DIS3L2: variants seen among roughly 807,000 people sequenced by gnomAD.
DIS3L2 encodes the protein DIS3 like 3'-5' exoribonuclease 2.
A neutral mutation model predicts 97.5 loss-of-function variants in DIS3L2; 34 were observed. The observed-to-expected ratio is 0.35, with a 90% CI of 0.27 to 0.46. The LOEUF (loss-of-function observed/expected upper bound fraction) is 0.46. DIS3L2 is among the 20% of genes least tolerant of loss of function. DIS3L2 has a pLI of 1.00. For synonymous variants in DIS3L2, 435 were observed against 445.2 expected (o/e 0.98, Z 0.29); for missense variants, 1,038 against 1,146.0 (o/e 0.91, Z 1.36).
intron 1 of DIS3L2, among the ~76,000 whole-genome samples, chr2:231,988,035 G>A (rs763324839): frequency 6.6e-6 from 1 of 152,096 alleles, no homozygotes. Flanking sequence ...TAGAGACAGG[G>A]TTTGTCCATT....
intron 1 of DIS3L2, among the ~76,000 whole-genome samples, chr2:231,977,708 A>G (rs189636691): frequency 7.2e-5 from 11 of 152,360 alleles, no homozygotes; most frequent in East Asian, 3.8e-4. Flanking sequence ...CAAATACTCA[A>G]TTGGACTCAG....
intron 12 of DIS3L2, among the ~76,000 whole-genome samples, chr2:232,256,592 C>T (rs1693569409): frequency 6.6e-6 from 1 of 152,182 alleles, no homozygotes; most frequent in African/African-American, 2.4e-5. Flanking sequence ...CCAACCTCAA[C>T]CTTGCTTTCC....
intron 1 of DIS3L2, among the ~76,000 whole-genome samples, chr2:232,007,061 A>G (rs532554247): frequency 1.3e-5 from 2 of 152,300 alleles, no homozygotes; most frequent in Non-Finnish European, 2.9e-5. Context: ...AATGAGAGAA[A>G]TGGAATGATA....
At chr2:231,968,321 C>T (rs1474640588) in intron 1 of DIS3L2, among the ~76,000 whole-genome samples, 1 of 152,196 alleles carries the variant, frequency 6.6e-6, no homozygotes, top group African/African-American at 2.4e-5. Context: ...TGGTCTTGAT[C>T]TCCTGACCTC....
chr2:232,094,569 T>G (rs147340274), intron 6 of DIS3L2, among the ~76,000 whole-genome samples: 2 of 151,474 alleles, frequency 1.3e-5, no homozygotes, highest in African/African-American at 4.8e-5. Flanking sequence ...AATAGAAAAA[T>G]TAGCCAGTCA....
chr2:231,984,542 A>T (rs1574786215), intron 1 of DIS3L2, among the ~76,000 whole-genome samples: 1 of 149,130 alleles, frequency 6.7e-6, no homozygotes, highest in African/African-American at 2.5e-5. Context: ...GCCTGCTACC[A>T]CGCCCGGCTA....
intron 5 of DIS3L2, among the ~76,000 whole-genome samples, chr2:232,054,843 A>G (rs1384279753): frequency 3.9e-5 from 6 of 152,242 alleles, no homozygotes; most frequent in African/African-American, 1.4e-4. Flanking sequence ...AAACACAGAT[A>G]CAAATATCCT....
chr2:231,963,047 C>T (rs1692615343), intron 1 of DIS3L2, among the ~76,000 whole-genome samples: 1 of 152,090 alleles, frequency 6.6e-6, no homozygotes, highest in Non-Finnish European at 1.5e-5. Context: ...GAACATACAA[C>T]TGCATATGTC....
At chr2:232,000,114 A>G (rs1230559990) in intron 1 of DIS3L2, among the ~76,000 whole-genome samples, 1 of 152,220 alleles carries the variant, frequency 6.6e-6, no homozygotes, top group Non-Finnish European at 1.5e-5. Flanking sequence ...TCATCTTTCT[A>G]CAGACTTTAA....
chr2:232,332,597 G>A (rs377022116), intron 16 of DIS3L2, among the ~76,000 whole-genome samples: 21 of 151,900 alleles, frequency 1.4e-4, no homozygotes, highest in African/African-American at 4.6e-4. Flanking sequence ...CAGCTGGGAC[G>A]GGCTATGCGC....
intron 8 of DIS3L2, among the ~76,000 whole-genome samples, chr2:232,142,107 A>G (rs965608463): frequency 1.3e-5 from 2 of 152,170 alleles, no homozygotes; most frequent in Non-Finnish European, 2.9e-5. Flanking sequence ...GGGAGAAACC[A>G]AGTTATATAA....
chr2:232,333,760 AGGC>A, intron 16 of DIS3L2, 77 bp from the exon 17 acceptor site: 91 of 1,417,272 alleles, frequency 6.4e-5, no homozygotes, highest in Admixed American at 4.3e-4. Flanking sequence ...GCCGACGGTG[AGGC>A]TGTGGGTGGT....
rs187431697 is a variant in DIS3L2 at position 232,217,488 on chromosome 2, A to G, written c.1204+7083A>G. 1.7e-3 allele frequency among the ~76,000 whole-genome samples: 258 copies of G among 152,250 alleles called. 2 individuals are homozygous for G. Among genetic ancestry groups the G allele is most frequent in the African/African-American group, 5.8e-3 (243 of 41,544 alleles). The stretch of plus-strand genomic sequence containing the variant: ...CGCCTGGAGATAGCATCAGATTCCA[A>G]AGATTGAGCACCTGGTCCCACAAGA... On this transcript the variant is annotated intron_variant, in intron 10 of 20. Coordinates refer to ENST00000325385, the MANE Select transcript of DIS3L2 (RefSeq NM_152383.5).
At chr2:232,250,093 T>C (rs1409424604) in intron 12 of DIS3L2, among the ~76,000 whole-genome samples, 1 of 152,000 alleles carries the variant, frequency 6.6e-6, no homozygotes. Flanking sequence ...ATGTAACAAC[T>C]CCAAACATTC....
At chr2:231,995,704 A>C (rs1274458882) in intron 1 of DIS3L2, among the ~76,000 whole-genome samples, 1 of 151,846 alleles carries the variant, frequency 6.6e-6, no homozygotes, top group Non-Finnish European at 1.5e-5. Context: ...GCTCCTGGGG[A>C]TTTTCTTTTC....
intron 6 of DIS3L2, among the ~76,000 whole-genome samples, chr2:232,115,216 G>T (rs1431059196): frequency 6.6e-6 from 1 of 152,014 alleles, no homozygotes; most frequent in African/African-American, 2.4e-5. Flanking sequence ...ACCATAGCAG[G>T]AAGTAAGAAG....
chr2:232,227,440 T>C (rs1174919355), intron 10 of DIS3L2, among the ~76,000 whole-genome samples: 1 of 152,208 alleles, frequency 6.6e-6, no homozygotes, highest in African/African-American at 2.4e-5. Context: ...GAAGATTAAA[T>C]GAATTAATAT....
chr2:232,185,239 T>C (rs1574932618), intron 9 of DIS3L2, among the ~76,000 whole-genome samples: 1 of 152,166 alleles, frequency 6.6e-6, no homozygotes, highest in Non-Finnish European at 1.5e-5. Context: ...TGAAGTCATA[T>C]AGGGTATGTT....
chr2:232,230,037 A>T (rs888752394), intron 10 of DIS3L2, among the ~76,000 whole-genome samples: 4 of 152,080 alleles, frequency 2.6e-5, no homozygotes, highest in African/African-American at 7.2e-5. Context: ...TTAAGTTTGT[A>T]AAATATCCTC....
Sources: gnomAD v4.1 joint callset for allele counts (sites outside exome capture counted in the v4.1 genomes callset) on GRCh38, gnomAD v4.1.1 for gene constraint, MANE v1.5 for transcripts, NCBI Gene and HGNC (gene_info 2026-07-23, HGNC 2026-07-21) for gene names.